Variants in NUP153 observed in about 807,000 individuals in gnomAD.
The protein encoded by NUP153 is nuclear pore complex protein Nup153.
In NUP153, 27 loss-of-function variants were observed where a neutral mutation model predicts 134.6. The ratio of observed to expected loss-of-function variants is 0.20; its 90% CI spans 0.15 to 0.28. The LOEUF (loss-of-function observed/expected upper bound fraction) is 0.28. Ranked by LOEUF, NUP153 falls within the 10% of genes least tolerant of loss-of-function variation. NUP153 has a pLI of 1.00. For missense variants in NUP153, 1,821 were observed against 1,731.3 expected, an observed-to-expected ratio of 1.05 and a Z score of -0.92; for synonymous variants, 640 against 623.5, an observed-to-expected ratio of 1.03 and a Z score of -0.40.
chr6:17,695,158 A>G (rs559306004), intron 1 of NUP153, among the ~76,000 whole-genome samples: 1 of 152,328 alleles, frequency 6.6e-6, no homozygotes, highest in South Asian at 2.1e-4. Flanking sequence ...TTCCCTTTAA[A>G]TTGTGTGCAT....
chr6:17,624,925 C>T (rs1269000223), intron 19 of NUP153, 92 bp from the exon 20 acceptor site: 4 of 1,317,156 alleles, frequency 3.0e-6, no homozygotes, highest in Non-Finnish European at 3.1e-6. Context: ...AAATGTCAAG[C>T]TTCGTTTCAG....
At chr6:17,641,993 TTTC>T (rs1409316645) in intron 14 of NUP153, among the ~76,000 whole-genome samples, 2 of 152,190 alleles carry the variant, frequency 1.3e-5, no homozygotes, top group African/African-American at 4.8e-5. Flanking sequence ...TAACCAAGTT[TTTC>T]TTTTTAAGTG....
chr6:17,687,250 G>T (rs1013329509), intron 2 of NUP153, among the ~76,000 whole-genome samples: 1 of 152,094 alleles, frequency 6.6e-6, no homozygotes, highest in Non-Finnish European at 1.5e-5. Flanking sequence ...GAAGACAGTC[G>T]CTGTGGATAT....
intron 1 of NUP153, among the ~76,000 whole-genome samples, chr6:17,691,885 C>A (rs1769299540): frequency 6.6e-6 from 1 of 152,190 alleles, no homozygotes; most frequent in Non-Finnish European, 1.5e-5. Context: ...GATCATGGCC[C>A]ACTGCAGCCT....
intron 1 of NUP153, among the ~76,000 whole-genome samples, chr6:17,693,441 C>T (rs1214870045): frequency 3.9e-5 from 6 of 152,218 alleles, no homozygotes; most frequent in Non-Finnish European, 8.8e-5. Context: ...ACCACTCCAG[C>T]ACCCCTCCAC....
At chr6:17,616,831 C>T (rs1324207592) in intron 20 of NUP153, 136 bp from the exon 21 acceptor site, 1 of 741,432 alleles carries the variant, frequency 1.3e-6, no homozygotes, top group African/African-American at 1.8e-5. Context: ...CTCACTGCAA[C>T]CCTTGCCTCC....
At chr6:17,645,730 A>G (rs1766131934) in intron 14 of NUP153, among the ~76,000 whole-genome samples, 1 of 152,162 alleles carries the variant, frequency 6.6e-6, no homozygotes, top group Non-Finnish European at 1.5e-5. Context: ...TACTACAACT[A>G]TAATGTAGAC....
chr6:17,686,448 T>G (rs1768933031), intron 2 of NUP153, among the ~76,000 whole-genome samples: 1 of 151,334 alleles, frequency 6.6e-6, no homozygotes, highest in East Asian at 2.0e-4. Flanking sequence ...CAGGCTGGAG[T>G]GCAGTGGTGC....
intron 1 of NUP153, among the ~76,000 whole-genome samples, chr6:17,703,222 A>G (rs1770244879): frequency 6.6e-6 from 1 of 151,986 alleles, no homozygotes; most frequent in South Asian, 2.1e-4. Flanking sequence ...AAATTAAAAA[A>G]AAAATAAGTT....
intron 17 of NUP153, among the ~76,000 whole-genome samples, chr6:17,631,333 A>G (rs13208760): frequency 0.11 from 16,273 of 152,236 alleles, 917 homozygotes; most frequent in Admixed American, 0.13. Context: ...CTAATTACAA[A>G]GTAGATAAAG....
intron 5 of NUP153, among the ~76,000 whole-genome samples, chr6:17,671,264 G>C (rs1311716649): frequency 6.6e-6 from 1 of 152,030 alleles, no homozygotes; most frequent in Non-Finnish European, 1.5e-5. Context: ...GTCTGTTGCT[G>C]TCTTCTAATG....
chr6:17,697,350 T>C (rs905648805), intron 1 of NUP153, among the ~76,000 whole-genome samples: 3 of 152,206 alleles, frequency 2.0e-5, no homozygotes, highest in East Asian at 1.9e-4. Context: ...GTATAAGGTA[T>C]TGTGAATACA....
In NUP153 at chr6:17,625,986, A is replaced by C. The variant is rs1764928063; in HGVS notation, c.3723T>G (p.Gly1241=). ...SSNPVSSSAF[G]NTAESSTSQS... The stretch of plus-strand genomic sequence containing the variant: ...GAGAGGTGCTGGATTCAGCAGTGTT[A>C]CCAAAGGCAGAGCTGCTCACAGGAT... The change falls in exon 19 of 22, where the codon GGT becomes GGG. Residue 1241 remains glycine (G), a synonymous_variant. Transcript: ENST00000262077. This position sits in a 1 kb window ranked among gnomAD's most constrained non-coding sequence, Gnocchi z 4.7. 6.2e-7 allele frequency: 1 copy of C among 1,614,202 alleles called. No individual in the cohort carries two copies. Among genetic ancestry groups the C allele is most frequent in the African/African-American group, 1.3e-5 (1 of 75,052 alleles).
At chr6:17,665,812 C>A (rs1767501111) in intron 8 of NUP153, among the ~76,000 whole-genome samples, 1 of 151,818 alleles carries the variant, frequency 6.6e-6, no homozygotes, top group Admixed American at 6.6e-5. Context: ...CCCACCACAG[C>A]CTCCTGTGTA....
Position 17,639,117 on chromosome 6 carries a change from G to A in NUP153, c.1846+822C>T, listed in dbSNP as rs372265601. ...TTTAAAGACAGAGTCTTGCTCTGTC[G>A]CCCAGGCTGGAGTGCAGTGGTTCGA... On this transcript the variant is annotated intron_variant, in intron 15 of 21. Coordinates refer to ENST00000262077, the MANE Select transcript of NUP153 (RefSeq NM_005124.4). Among the ~76,000 whole-genome samples the A allele has an allele frequency of 5.4e-4, 81 of 148,962 alleles. No individual in the cohort carries two copies. In the East Asian group the frequency reaches 0.015, roughly 28 times the overall value.
intron 1 of NUP153, among the ~76,000 whole-genome samples, chr6:17,702,251 T>TAATACC (rs1261108695): frequency 1.3e-5 from 2 of 152,146 alleles, no homozygotes; most frequent in African/African-American, 4.8e-5. Flanking sequence ...CTCATGCCTG[T>TAATACC]AATACCAGCA....
intron 14 of NUP153, among the ~76,000 whole-genome samples, chr6:17,644,234 CAGA>C (rs1049801797): frequency 4.4e-4 from 67 of 152,224 alleles, no homozygotes; most frequent in African/African-American, 1.4e-3. Flanking sequence ...TTCCCAAACT[CAGA>C]AGATCATTGA....
chr6:17,661,593 C>T, intron 11 of NUP153, 60 bp downstream of exon 11: 1 of 1,538,324 alleles, frequency 6.5e-7, no homozygotes, highest in Non-Finnish European at 8.8e-7. Flanking sequence ...TCTCCCCTTA[C>T]CACCACCACA....
At chr6:17,705,430 C>A (rs373666192) in intron 1 of NUP153, among the ~76,000 whole-genome samples, 3 of 152,046 alleles carry the variant, frequency 2.0e-5, no homozygotes, top group Admixed American at 1.3e-4. Context: ...AACTATAAGA[C>A]CACCAACATT....
Sources: allele counts gnomAD v4.1 joint callset (sites outside exome capture counted in the v4.1 genomes callset), GRCh38; gene constraint gnomAD v4.1.1; non-coding constraint Gnocchi (gnomAD v3.1); transcripts MANE v1.5; gene names NCBI Gene and HGNC (gene_info 2026-07-23, HGNC 2026-07-21).